The following LYST variants were observed in gnomAD, a reference collection of about 807,000 sequenced individuals.
LYST encodes lysosomal trafficking regulator, also known as lysosomal-trafficking regulator.
A neutral mutation model predicts 413.6 loss-of-function variants in LYST; 192 were observed. The observed-to-expected ratio is 0.46, with a 90% CI of 0.41 to 0.52. LYST has a LOEUF of 0.52. Among genes scored for constraint, LYST ranks in the 20% least tolerant of loss-of-function variants. The pLI is 0.00. For synonymous variants in LYST, 1,525 were observed against 1,567.3 expected, an observed-to-expected ratio of 0.97 and a Z score of 0.64; for missense variants, 3,815 against 4,499.9, an observed-to-expected ratio of 0.85 and a Z score of 4.35.
At chr1:235,816,128 CAAAAAAAAAAAAAAAAA>C (rs59556548) in intron 3 of LYST, among the ~76,000 whole-genome samples, 4 of 11,790 alleles carry the variant, frequency 3.4e-4, no homozygotes, top group Admixed American at 1.6e-3. Flanking sequence ...GACTCCATCT[CAAAAAAAAAAAAAAAAA>C]AAAAAAAAAA....
intron 3 of LYST, chr1:235,829,434 A>G (rs547023930): frequency 2.4e-4 from 37 of 152,342 alleles, no homozygotes; most frequent in African/African-American, 8.4e-4. Flanking sequence ...GTGTTAAAAA[A>G]AATCCATCAT....
chr1:235,809,808 A>G lies in LYST; in HGVS notation c.1010T>C (p.Val337Ala). The G allele has an allele frequency of 6.2e-7, 1 of 1,613,902 alleles. No individual in the cohort carries two copies. The highest frequency in any genetic ancestry group is 1.1e-5 in the South Asian group (1 of 91,086). ...CATCATCTCTGCAGTACTAACATCTACTGACAGAAGATGCAACACTGTTCG... is the reference window on the plus strand; with the variant it reads ...CATCATCTCTGCAGTACTAACATCTGCTGACAGAAGATGCAACACTGTTCG... ...LFRTVLHLLS[V>A]DVSTAEMMPE... Residue 337 changes from valine to alanine, a missense_variant, in exon 5 of 53, where the codon GTA becomes GCA. Coordinates refer to ENST00000389793, the MANE Select transcript of LYST (RefSeq NM_000081.4). This position sits in a 1 kb window ranked among gnomAD's most constrained non-coding sequence, Gnocchi z 4.0.
intron 42 of LYST, chr1:235,712,635 C>T (rs1662486312): frequency 1.0e-6 from 1 of 985,110 alleles, no homozygotes; most frequent in Non-Finnish European, 1.2e-6. Context: ...AGCATGATTC[C>T]TTCACTTTGA....
At chr1:235,712,246 A>G (rs1033052639) in intron 42 of LYST, 49 bp from the exon 43 acceptor site, 1 of 1,305,188 alleles carries the variant, frequency 7.7e-7, no homozygotes, top group Non-Finnish European at 1.1e-6. Context: ...ACCTAATTCT[A>G]TTTGAGGCCT....
In LYST at chr1:235,777,123, A is replaced by G. The variant is rs763615860; in HGVS notation, c.5400T>C (p.Thr1800=). ...CAATTTCGTGCAGAATGCCTTGAAT[A>G]GTTTTATATTCAGTAGGTTGGAGAT... ...LKNLQPTEYK[T]IQGILHEIGG... is the part of the protein sequence containing the mutation. The change falls in exon 17 of 53, where the codon ACT becomes ACC. Residue 1800 remains threonine (T), a synonymous_variant. Coordinates refer to ENST00000389793, the MANE Select transcript of LYST (RefSeq NM_000081.4). The G allele has an allele frequency of 6.2e-7, 1 of 1,613,162 alleles. No homozygotes were observed. Among genetic ancestry groups the G allele is most frequent in the Non-Finnish European group, 8.5e-7 (1 of 1,179,242 alleles).
Position 235,757,277 on chromosome 1 carries a change from T to G in LYST, c.7059+4A>C. The G allele has an allele frequency of 6.2e-7, 1 of 1,607,812 alleles. No homozygotes were observed. The highest frequency in any genetic ancestry group is 8.5e-7 in the Non-Finnish European group (1 of 1,174,812). On this transcript the variant is annotated splice_donor_region_variant and intron_variant, in intron 24 of 52. Transcript: ENST00000389793. ...AAAATAACATATCTAGTATTTGCCC[T>G]TACTTTAATAACACCTTGTTGTATA...
At chr1:235,795,584 T>G (rs1671473299) in intron 10 of LYST, among the ~76,000 whole-genome samples, 1 of 152,006 alleles carries the variant, frequency 6.6e-6, no homozygotes, top group African/African-American at 2.4e-5. Context: ...TCCCTAATGG[T>G]CCCCCAAAGC....
chr1:235,681,426 C>G (rs1028643535), intron 48 of LYST, among the ~76,000 whole-genome samples: 4 of 152,052 alleles, frequency 2.6e-5, no homozygotes, highest in African/African-American at 9.7e-5. Flanking sequence ...ATTTTATCCC[C>G]GAAGCAATAA....
chr1:235,810,999 GTC>G (rs1673398383), intron 4 of LYST, among the ~76,000 whole-genome samples: 1 of 152,102 alleles, frequency 6.6e-6, no homozygotes, highest in Non-Finnish European at 1.5e-5. Context: ...ACAAAAATTA[GTC>G]AGATGTGGTG....
chr1:235,880,665 G>T (rs922503821), intron 1 of LYST, among the ~76,000 whole-genome samples: 1 of 152,076 alleles, frequency 6.6e-6, no homozygotes, highest in Admixed American at 6.6e-5. Context: ...CCTTCTCTGT[G>T]CCTATTCCTT....
chr1:235,862,802 AACAAACACACAC>A (rs1466874911), intron 1 of LYST, among the ~76,000 whole-genome samples: 77 of 98,296 alleles, frequency 7.8e-4, no homozygotes, highest in African/African-American at 3.0e-3. Context: ...TCTCAAAACA[AACAAACACACAC>A]ACACACACAC....
At position 235,806,705 on chromosome 1, in the gene LYST, C is replaced by T. The variant is rs1268253908; in HGVS notation, c.2431G>A (p.Gly811Ser). ...SQIIELNCLNGIRSHSLKAFE... is the reference protein window; with the variant it reads ...SQIIELNCLNSIRSHSLKAFE... Reference sequence around the variant, plus strand: ...GCTTTTAGAGAATGACTTCGAATACCATTTAAGCAATTTAATTCGATTATT... The same window carrying T: ...GCTTTTAGAGAATGACTTCGAATACTATTTAAGCAATTTAATTCGATTATT... Residue 811 changes from glycine (G) to serine (S), a missense_variant, in exon 6 of 53, where the codon GGT (glycine) becomes AGT (serine). Physicochemically the swap from Gly to Ser is moderately conservative, Grantham distance 56 (BLOSUM62 0). Around this residue, in one of 4 missense-constraint regions of LYST, gnomAD observed 1,648 missense variants for 1,810.3 expected, o/e 0.91. Transcript: ENST00000389793. 1 of 1,613,070 alleles carries T rather than the reference C, an allele frequency of 6.2e-7. No individual in the cohort carries two copies. Among genetic ancestry groups the T allele is most frequent in the African/African-American group, 1.3e-5 (1 of 74,996 alleles).
rs765410057 is a variant in LYST, at chr1:235,810,232, G to C, written c.586C>G (p.Pro196Ala). ...TTAGCTTTGGGGTGGTCTTGTTTAGGAAACGATGTTAAAAAATGATGCAGC... is the reference window on the plus strand; with the variant it reads ...TTAGCTTTGGGGTGGTCTTGTTTAGCAAACGATGTTAAAAAATGATGCAGC... ...HLLHHFLTSFPKQDHPKAKLD... is the reference protein window; with the variant it reads ...HLLHHFLTSFAKQDHPKAKLD... The change falls in exon 5 of 53, where the codon CCT becomes GCT. Residue 196 changes from proline (P) to alanine (A), a missense_variant. Coordinates refer to ENST00000389793, the MANE Select transcript of LYST (RefSeq NM_000081.4). The C allele has an allele frequency of 4.8e-5, 78 of 1,614,094 alleles. 1 individual carries two copies. The South Asian group carries it at 7.9e-4, about 16-fold the overall frequency.
At chr1:235,786,008 G>A (rs1329025606) in intron 14 of LYST, among the ~76,000 whole-genome samples, 1 of 152,090 alleles carries the variant, frequency 6.6e-6, no homozygotes, top group African/African-American at 2.4e-5. Context: ...TTATACATAG[G>A]CTAGTCATTC....
intron 31 of LYST, chr1:235,737,958 T>TTAAAAA: frequency 1.1e-3 from 1,387 of 1,276,668 alleles, no homozygotes; most frequent in Admixed American, 7.4e-3. Flanking sequence ...CCGCCGGACG[T>TTAAAAA]GCATTCTCGA....
At position 235,805,847 on chromosome 1, in the gene LYST, C is replaced by T; in HGVS notation, c.3289G>A (p.Glu1097Lys). 1 of 1,613,742 alleles carries T rather than the reference C, an allele frequency of 6.2e-7. No individual in the cohort carries two copies. Residue 1097 changes from glutamate to lysine, a missense_variant, in exon 6 of 53, where the codon GAG becomes AAG. By Grantham distance (56) the Glu-to-Lys change is moderately conservative (BLOSUM62 1). Transcript: ENST00000389793. ...AGTCGTATACTTTGAAGTGAGGTCT[C>T]ACTTTCTTGACTTGTAAATAGCTTT... ...EAKLFTSQES[E>K]TSLQSIRLLE...
intron 42 of LYST, chr1:235,713,122 A>G (rs2103129118): frequency 1.0e-6 from 1 of 985,298 alleles, no homozygotes; most frequent in South Asian, 4.7e-5. Context: ...CACTTGTATT[A>G]CTTTCTCATC....
At chr1:235,864,645 C>A (rs1680282685) in intron 1 of LYST, among the ~76,000 whole-genome samples, 1 of 152,160 alleles carries the variant, frequency 6.6e-6, no homozygotes. Flanking sequence ...AAAAGGCAAG[C>A]CTGGGGCCGA....
At chr1:235,842,676 G>A (rs1677351666) in intron 1 of LYST, among the ~76,000 whole-genome samples, 1 of 152,128 alleles carries the variant, frequency 6.6e-6, no homozygotes, top group Non-Finnish European at 1.5e-5. Context: ...GTCAAGTTAG[G>A]TCAAAGATAG....
Sources: allele counts gnomAD v4.1 joint callset (sites outside exome capture counted in the v4.1 genomes callset), GRCh38; gene constraint gnomAD v4.1.1; regional missense constraint gnomAD v4.1.1; non-coding constraint Gnocchi (gnomAD v3.1); transcripts MANE v1.5; gene names NCBI Gene and HGNC (gene_info 2026-07-23, HGNC 2026-07-21).